The following UBXN2B variants were observed in gnomAD, a reference collection of about 807,000 sequenced individuals.
UBXN2B encodes the protein UBX domain protein 2B.
In UBXN2B, 19 loss-of-function variants were observed where a neutral mutation model predicts 37.5. That is an observed-to-expected ratio of 0.51 (90% CI 0.35 to 0.74). UBXN2B has a LOEUF of 0.74. Ranked by LOEUF, UBXN2B falls within the 30% of genes least tolerant of loss-of-function variation. The pLI is 0.01. For synonymous variants in UBXN2B, 145 were observed against 143.8 expected (o/e 1.01, Z -0.06); for missense variants, 370 against 393.2 (o/e 0.94, Z 0.50).
chr8:58,433,330 C>G, intron 4 of UBXN2B, 87 bp downstream of exon 4: 1 of 1,101,868 alleles, frequency 9.1e-7, no homozygotes, highest in Non-Finnish European at 1.3e-6. Context: ...ATTGATAATA[C>G]AAATATATTT....
At chr8:58,446,779 ATTTTTTTTTTTTTTTTTTTTTTT>A in intron 7 of UBXN2B, among the ~76,000 whole-genome samples, 1 of 17,402 alleles carries the variant, frequency 5.7e-5, no homozygotes, top group South Asian at 4.9e-3. Flanking sequence ...TACAACCTGC[ATTTTTTTTTTTTTTTTTTTTTTT>A]TTTTTTTTTT....
chr8:58,423,187 T>G (rs1807975045), intron 2 of UBXN2B, among the ~76,000 whole-genome samples: 1 of 152,184 alleles, frequency 6.6e-6, no homozygotes, highest in Non-Finnish European at 1.5e-5. Context: ...GCCTGGCCAC[T>G]TCTGCTTTTG....
chr8:58,413,948 A>G (rs965906493), intron 1 of UBXN2B, among the ~76,000 whole-genome samples: 1 of 152,042 alleles, frequency 6.6e-6, no homozygotes, highest in African/African-American at 2.4e-5. Context: ...CGCCACACAC[A>G]TGTTCATTAA....
intron 2 of UBXN2B, among the ~76,000 whole-genome samples, chr8:58,419,962 C>G (rs930335635): frequency 2.6e-5 from 4 of 152,270 alleles, no homozygotes; most frequent in Admixed American, 2.6e-4. Context: ...CAAGGGGACT[C>G]GATTTTCACT....
intron 6 of UBXN2B, among the ~76,000 whole-genome samples, chr8:58,443,026 T>A (rs759903730): frequency 1.3e-5 from 2 of 152,184 alleles, no homozygotes; most frequent in Non-Finnish European, 2.9e-5. Context: ...CCTGACTGGG[T>A]TGTCAGCCCT....
chr8:58,426,859 G>A (rs772251703), intron 2 of UBXN2B, among the ~76,000 whole-genome samples: 1 of 152,164 alleles, frequency 6.6e-6, no homozygotes, highest in Non-Finnish European at 1.5e-5. Context: ...CTGTGCAGCC[G>A]CCCCCTAGGC....
chr8:58,434,330 T>C (rs1245332535), intron 4 of UBXN2B, 65 bp from the exon 5 acceptor site: 1 of 461,618 alleles, frequency 2.2e-6, no homozygotes, highest in Non-Finnish European at 3.3e-6. Flanking sequence ...GGGGGAGATA[T>C]ATTCTTATGT....
Position 58,434,514 on chromosome 8 carries a change from A to G in UBXN2B, c.533+10A>G, listed in dbSNP as rs781689733. ...AGTCTGTTAAGAGAGGGTAAGATGT[A>G]TTATTTGTATTCTATTTGTTATGTA... is the stretch of plus-strand genomic sequence containing the variant. On this transcript the variant is annotated intron_variant, in intron 5 of 7. Transcript: ENST00000399598. 5.3e-6 allele frequency: 8 copies of G among 1,508,150 alleles called. No homozygotes were observed. The highest frequency in any genetic ancestry group is 2.2e-5 in the Admixed American group (1 of 45,602). The allele number at this position is 1,508,150 out of a possible 1,614,324, so 93.4% of individuals were successfully genotyped here.
At chr8:58,426,012 C>A in intron 2 of UBXN2B, 2 of 1,440,156 alleles carry the variant, frequency 1.4e-6, no homozygotes, top group Non-Finnish European at 2.0e-6. Flanking sequence ...GCTTCTTTCC[C>A]AGAGAGGTGT....
Position 58,445,974 on chromosome 8 carries a change from G to A in UBXN2B, c.739G>A (p.Val247Ile), listed in dbSNP as rs1168589467. The change falls in exon 7 of 8, where the codon GTT (valine) becomes ATT (isoleucine). Residue 247 changes from valine (V) to isoleucine (I), a missense_variant. Val to Ile is a conservative substitution (Grantham distance 29, BLOSUM62 3). This residue lies in a region of UBXN2B where 90 missense variants were observed against 139.4 expected (regional missense o/e 0.65). Coordinates refer to ENST00000399598, the MANE Select transcript of UBXN2B (RefSeq NM_001077619.2). Reference sequence around the variant, plus strand: ...GGAGGATAAATCAATACTTAATGCAGTTGTTCTTATTGATGATTCAGTGCC... The same window carrying A: ...GGAGGATAAATCAATACTTAATGCAATTGTTCTTATTGATGATTCAGTGCC... The part of the protein sequence containing the change: ...EEEDKSILNA[V>I]VLIDDSVPTT... The A allele has an allele frequency of 1.2e-6, 2 of 1,613,190 alleles. No individual in the cohort carries two copies. Among genetic ancestry groups the A allele is most frequent in the South Asian group, 2.2e-5 (2 of 91,004 alleles).
At chr8:58,419,224 TATG>T (rs905985347) in intron 2 of UBXN2B, among the ~76,000 whole-genome samples, 9 of 152,212 alleles carry the variant, frequency 5.9e-5, no homozygotes, top group Non-Finnish European at 1.0e-4. Flanking sequence ...TTTTTCTACG[TATG>T]ATATCTTCTA....
intron 2 of UBXN2B, among the ~76,000 whole-genome samples, chr8:58,419,633 G>A (rs902127408): frequency 6.6e-6 from 1 of 152,206 alleles, no homozygotes; most frequent in African/African-American, 2.4e-5. Flanking sequence ...AAGTGAATAA[G>A]ATGCCTAGCA....
chr8:58,425,780 T>C (rs1808066996), intron 2 of UBXN2B: 6 of 1,163,062 alleles, frequency 5.2e-6, no homozygotes, highest in East Asian at 2.3e-5. Flanking sequence ...CTTCTTGTAA[T>C]GTTCCACAAG....
intron 2 of UBXN2B, chr8:58,426,011 C>T (rs1808073866): frequency 6.9e-7 from 1 of 1,439,504 alleles, no homozygotes; most frequent in Non-Finnish European, 9.8e-7. Flanking sequence ...TGCTTCTTTC[C>T]CAGAGAGGTG....
chr8:58,424,687 C>T (rs1456731024), intron 2 of UBXN2B: 4 of 1,066,594 alleles, frequency 3.8e-6, no homozygotes, highest in South Asian at 2.6e-5. Context: ...GAGTACAAGG[C>T]GGGGGGGGGG....
At chr8:58,434,341 A>C (rs1342482690) in intron 4 of UBXN2B, 54 bp from the exon 5 acceptor site, 1 of 511,296 alleles carries the variant, frequency 2.0e-6, no homozygotes, top group Non-Finnish European at 2.8e-6. Flanking sequence ...ATTCTTATGT[A>C]TATGTGAATA....
rs869090698 is a variant in UBXN2B at position 58,446,779 on chromosome 8, A to ATTTTTTTTTTT, written c.834-584_834-574dup. ...ATACTCCGAAAAAAGTACAACCTGCATTTTTTTTTTTTTTTTTTTTTTTTT... is the reference window on the plus strand; with the variant it reads ...ATACTCCGAAAAAAGTACAACCTGCATTTTTTTTTTTTTTTTTTTTTTTTTTTTTTTTTTTT... On this transcript the variant is annotated intron_variant, in intron 7 of 7. Coordinates refer to ENST00000399598, the MANE Select transcript of UBXN2B (RefSeq NM_001077619.2). 8.9e-3 allele frequency among the ~76,000 whole-genome samples: 155 copies of ATTTTTTTTTTT among 17,396 alleles called. 64 individuals are homozygous for ATTTTTTTTTTT. Among genetic ancestry groups the ATTTTTTTTTTT allele is most frequent in the Non-Finnish European group, 0.011 (107 of 9,590 alleles). The allele number at this position is 17,396 out of a possible 152,430, so 11.4% of individuals were successfully genotyped here.
rs1434213071 is a variant in UBXN2B at position 58,414,797 on chromosome 8, A to T, written c.85-2053A>T. On this transcript the variant is annotated intron_variant, in intron 1 of 7. Coordinates refer to ENST00000399598, the MANE Select transcript of UBXN2B (RefSeq NM_001077619.2). ...TAACTAGGATCTTTCAGCCAGGTAG[A>T]CTCTTTAATATCATTTTCCTCATAT... Among the ~76,000 whole-genome samples the T allele has an allele frequency of 3.3e-5, 5 of 151,828 alleles. No homozygotes were observed. The East Asian group carries it at 9.7e-4, about 29-fold the overall frequency.
rs573785851 is a variant in UBXN2B at position 58,432,422 on chromosome 8, G to A, written c.340-738G>A. 7.2e-5 allele frequency among the ~76,000 whole-genome samples: 8 copies of A among 111,128 alleles called. No individual in the cohort carries two copies. In the South Asian group the frequency reaches 2.3e-3, roughly 32 times the overall value. The allele number at this position is 111,128 out of a possible 152,430, so 72.9% of individuals were successfully genotyped here. On this transcript the variant is annotated intron_variant, in intron 3 of 7. Coordinates refer to ENST00000399598, the MANE Select transcript of UBXN2B (RefSeq NM_001077619.2). ...TTTTGAGACAGGGTCTCGCTCTGTT[G>A]CCCAGGCTGGAGTGCAGTGGCACCA...
Sources: gnomAD v4.1 joint callset for allele counts (sites outside exome capture counted in the v4.1 genomes callset) on GRCh38, gnomAD v4.1.1 for gene constraint, gnomAD v4.1.1 regional missense constraint, MANE v1.5 for transcripts, NCBI Gene and HGNC (gene_info 2026-07-23, HGNC 2026-07-21) for gene names.